CTIF: variants seen among roughly 807,000 people sequenced by gnomAD.
CTIF encodes CBP80/20-dependent translation initiation factor.
A neutral mutation model predicts 66.0 loss-of-function variants in CTIF; 21 were observed. That is an observed-to-expected ratio of 0.32 (90% confidence interval 0.23 to 0.46). CTIF has a LOEUF of 0.46. Among genes scored for constraint, CTIF ranks in the 20% least tolerant of loss-of-function variants. The pLI is 1.00. For synonymous variants in CTIF, 345 were observed against 326.4 expected (o/e 1.06, Z -0.62); for missense variants, 739 against 812.7 (o/e 0.91, Z 1.10).
chr18:48,573,650 C>A (rs2089469206), intron 1 of CTIF, among the ~76,000 whole-genome samples: 1 of 152,186 alleles, frequency 6.6e-6, no homozygotes, highest in Non-Finnish European at 1.5e-5. Flanking sequence ...AGGCAGGTTT[C>A]TGTGACAAAA....
intron 3 of CTIF, among the ~76,000 whole-genome samples, chr18:48,648,499 A>G (rs1023361328): frequency 5.8e-5 from 8 of 138,270 alleles, no homozygotes; most frequent in Admixed American, 3.7e-4. Context: ...GCACACACAC[A>G]CACAAACACA....
chr18:48,752,310 C>T (rs1907907425), intron 7 of CTIF, among the ~76,000 whole-genome samples: 1 of 152,146 alleles, frequency 6.6e-6, no homozygotes, highest in Non-Finnish European at 1.5e-5. Context: ...GGAGGGAGTG[C>T]TCAGGAAGTA....
At chr18:48,749,887 T>C (rs1324617002) in intron 7 of CTIF, among the ~76,000 whole-genome samples, 1 of 152,172 alleles carries the variant, frequency 6.6e-6, no homozygotes, top group African/African-American at 2.4e-5. Flanking sequence ...GGGCCGGATC[T>C]GGGAGACTGC....
intron 2 of CTIF, among the ~76,000 whole-genome samples, chr18:48,632,622 C>G (rs1029259329): frequency 1.3e-5 from 2 of 152,168 alleles, no homozygotes; most frequent in African/African-American, 4.8e-5. Flanking sequence ...GGAAGTGTCT[C>G]TGAGTTCTTT....
At chr18:48,564,730 C>T (rs949655031) in intron 1 of CTIF, 1 of 152,128 alleles carries the variant, frequency 6.6e-6, no homozygotes, top group African/African-American at 2.4e-5. Context: ...GTAATACTTC[C>T]ACCTCAGCCT....
intron 1 of CTIF, among the ~76,000 whole-genome samples, chr18:48,580,687 C>T (rs1432773458): frequency 2.6e-5 from 4 of 152,176 alleles, no homozygotes; most frequent in East Asian, 1.9e-4. Context: ...CCCTGTTTAC[C>T]GGACCGTCGT....
In CTIF at chr18:48,857,508, G is replaced by A. The variant is rs565313358; in HGVS notation, c.1528-80G>A. 8.0e-5 allele frequency: 106 copies of A among 1,319,152 alleles called. 1 individual carries two copies. The South Asian group carries it at 9.8e-4, about 12-fold the overall frequency. 81.7% of individuals were successfully genotyped at this position (1,319,152 alleles called of 1,614,324 possible). On this transcript the variant is annotated intron_variant, in intron 10 of 11. Coordinates refer to ENST00000256413, the MANE Select transcript of CTIF (RefSeq NM_014772.3). ...CGCATCAGGGCTGGGGCTGCAGGTCGGCGGGGGCTGCAGGGAGCTACAGGG... is the reference window on the plus strand; with the variant it reads ...CGCATCAGGGCTGGGGCTGCAGGTCAGCGGGGGCTGCAGGGAGCTACAGGG...
At chr18:48,565,763 G>T (rs1156788717) in intron 1 of CTIF, 2 of 152,260 alleles carry the variant, frequency 1.3e-5, no homozygotes, top group Non-Finnish European at 2.9e-5. Context: ...CTCCAATCTT[G>T]TTATGTGGGG....
intron 10 of CTIF, among the ~76,000 whole-genome samples, chr18:48,856,779 G>A (rs1281127878): frequency 2.0e-5 from 3 of 152,228 alleles, no homozygotes; most frequent in African/African-American, 7.2e-5. Context: ...GGCTGCTAGT[G>A]GGTATGGGTT....
At chr18:48,655,047 A>T (rs916018077) in intron 3 of CTIF, among the ~76,000 whole-genome samples, 5 of 152,188 alleles carry the variant, frequency 3.3e-5, no homozygotes, top group Admixed American at 3.3e-4. Flanking sequence ...GGGTGCAGCA[A>T]ACCAACATGG....
At chr18:48,543,801 G>C (rs1407850000) in intron 1 of CTIF, among the ~76,000 whole-genome samples, 1 of 152,124 alleles carries the variant, frequency 6.6e-6, no homozygotes, top group Admixed American at 6.5e-5. Context: ...AAAAAAGTTA[G>C]GTTCTTCCCA....
chr18:48,680,784 C>G (rs1392458672), intron 6 of CTIF, among the ~76,000 whole-genome samples: 1 of 152,216 alleles, frequency 6.6e-6, no homozygotes, highest in Non-Finnish European at 1.5e-5. Context: ...GCCGCCGGGG[C>G]TTGGGGGAAG....
At chr18:48,669,005 C>G (rs2091479928) in intron 5 of CTIF, among the ~76,000 whole-genome samples, 1 of 152,108 alleles carries the variant, frequency 6.6e-6, no homozygotes, top group Non-Finnish European at 1.5e-5. Context: ...TCTCTTCCAC[C>G]CAGGCCTTTG....
intron 1 of CTIF, among the ~76,000 whole-genome samples, chr18:48,552,612 G>T (rs1408881167): frequency 6.6e-6 from 1 of 152,098 alleles, no homozygotes; most frequent in Non-Finnish European, 1.5e-5. Flanking sequence ...CATTCATGAG[G>T]CTCTGCCCTC....
At chr18:48,827,701 G>A (rs1248472305) in intron 10 of CTIF, among the ~76,000 whole-genome samples, 3 of 152,098 alleles carry the variant, frequency 2.0e-5, no homozygotes, top group African/African-American at 7.2e-5. Context: ...CCAGCCCCTG[G>A]GCACTGGCTT....
intron 10 of CTIF, among the ~76,000 whole-genome samples, chr18:48,856,828 T>C (rs1258911183): frequency 6.6e-6 from 1 of 152,204 alleles, no homozygotes; most frequent in Non-Finnish European, 1.5e-5. Flanking sequence ...ACTTAAATAG[T>C]GGTGATGGTT....
intron 10 of CTIF, 84 bp from the exon 11 acceptor site, chr18:48,857,504 G>C (rs1217998850): frequency 3.9e-6 from 5 of 1,279,442 alleles, no homozygotes; most frequent in Non-Finnish European, 5.5e-6. Context: ...TGGGGCTGCA[G>C]GTCGGCGGGG....
rs559883642 is a variant in CTIF, at chr18:48,568,716, T to C, written c.-29+29404T>C. 1.2e-4 allele frequency among the ~76,000 whole-genome samples: 15 copies of C among 130,434 alleles called. No homozygotes were observed. The South Asian group carries it at 3.3e-3, about 29-fold the overall frequency. 85.6% of individuals were successfully genotyped at this position (130,434 alleles called of 152,430 possible). A position where few individuals can be genotyped will look rare whatever the true frequency, so the allele number is the denominator to read the frequency against. On this transcript the variant is annotated intron_variant, in intron 1 of 11. Coordinates refer to ENST00000256413, the MANE Select transcript of CTIF (RefSeq NM_014772.3). ...CCACATGTCTGGGGAGGCCTCACAA[T>C]CGTGGCAGAAGGCAAAGGATGAGCA... is the stretch of plus-strand genomic sequence containing the variant.
chr18:48,651,447 CT>C (rs2144771427), intron 3 of CTIF, among the ~76,000 whole-genome samples: 1 of 152,296 alleles, frequency 6.6e-6, no homozygotes, highest in South Asian at 2.1e-4. Context: ...GCTAGCTAAC[CT>C]AAACATGTAT....
Sources: gnomAD v4.1 joint callset for allele counts (sites outside exome capture counted in the v4.1 genomes callset) on GRCh38, gnomAD v4.1.1 for gene constraint, MANE v1.5 for transcripts, NCBI Gene and HGNC (gene_info 2026-07-23, HGNC 2026-07-21) for gene names.